The following LGR5 variants were observed in gnomAD, a reference collection of about 807,000 sequenced individuals.
LGR5 encodes leucine rich repeat containing G protein-coupled receptor 5, also known as leucine-rich repeat-containing G protein-coupled receptor 5.
In LGR5, 54 loss-of-function variants were observed where a neutral mutation model predicts 76.7. The observed-to-expected ratio is 0.70, with a 90% confidence interval of 0.57 to 0.88. The LOEUF (loss-of-function observed/expected upper bound fraction) is 0.88. LGR5 is among the 40% of genes least tolerant of loss of function. The pLI, the probability that LGR5 is intolerant of heterozygous loss-of-function variation, is 0.00. For synonymous variants in LGR5, 406 were observed against 421.9 expected (o/e 0.96, Z 0.46); for missense variants, 1,078 against 1,073.3 (o/e 1.00, Z -0.06).
Position 71,439,965 on chromosome 12 carries a change from C to A in LGR5, c.-116C>A. 1.1e-6 allele frequency: 1 copy of A among 914,066 alleles called. No homozygotes were observed. The highest frequency in any genetic ancestry group is 1.6e-6 in the Non-Finnish European group (1 of 618,504). 56.6% of individuals were successfully genotyped at this position (914,066 alleles called of 1,614,324 possible). On this transcript the variant is annotated 5_prime_UTR_variant, in exon 1 of 18. Transcript: ENST00000266674. ...GTCAGGAACGCGGCGTCTGGCGCTGCAGACGCCCGCTGAGTTGCAGAAGCC... is the reference window on the plus strand; with the variant it reads ...GTCAGGAACGCGGCGTCTGGCGCTGAAGACGCCCGCTGAGTTGCAGAAGCC...
intron 2 of LGR5, among the ~76,000 whole-genome samples, chr12:71,509,476 G>A (rs527514723): frequency 2.0e-5 from 3 of 152,134 alleles, no homozygotes; most frequent in African/African-American, 7.2e-5. Flanking sequence ...TTAATAACCC[G>A]AGAAATCATT....
intron 2 of LGR5, among the ~76,000 whole-genome samples, chr12:71,505,808 T>A (rs1874824153): frequency 6.6e-6 from 1 of 152,210 alleles, no homozygotes; most frequent in African/African-American, 2.4e-5. Flanking sequence ...TCAAGGGTTA[T>A]GGTAGGGAAT....
intron 1 of LGR5, among the ~76,000 whole-genome samples, chr12:71,443,256 T>A (rs1871845641): frequency 6.6e-6 from 1 of 152,228 alleles, no homozygotes; most frequent in South Asian, 2.1e-4. Context: ...CTTCACAGAA[T>A]GCAAACACTA....
intron 16 of LGR5, chr12:71,582,196 C>T (rs1269118467): frequency 7.7e-6 from 3 of 389,916 alleles, no homozygotes; most frequent in Non-Finnish European, 1.4e-5. Context: ...CTGCAGGGAA[C>T]ACGAGCAGAA....
intron 8 of LGR5, among the ~76,000 whole-genome samples, chr12:71,564,960 C>A (rs1004390723): frequency 6.7e-6 from 1 of 149,990 alleles, no homozygotes; most frequent in Non-Finnish European, 1.5e-5. Context: ...TGTATATATA[C>A]GTATGTGTGT....
chr12:71,469,662 A>G (rs1483746641), intron 1 of LGR5, among the ~76,000 whole-genome samples: 1 of 152,222 alleles, frequency 6.6e-6, no homozygotes, highest in Non-Finnish European at 1.5e-5. Flanking sequence ...GGATAAACGC[A>G]TGAAGGCTTA....
At chr12:71,447,230 T>A (rs185352732) in intron 1 of LGR5, among the ~76,000 whole-genome samples, 7 of 152,362 alleles carry the variant, frequency 4.6e-5, no homozygotes, top group African/African-American at 1.4e-4. Context: ...AAACTTTGCA[T>A]GCTTTGACAA....
intron 4 of LGR5, among the ~76,000 whole-genome samples, chr12:71,544,381 C>T (rs1592530147): frequency 7.2e-6 from 1 of 139,806 alleles, no homozygotes; most frequent in Non-Finnish European, 1.5e-5. Flanking sequence ...TTCCTACTGG[C>T]CTCATTAAGT....
chr12:71,440,221 GCT>G lies in LGR5; in HGVS notation c.143_144del (p.Leu48GlnfsTer69), dbSNP rs1565844616. ...ATTGCGAGCCCGACGGCAGGATGTT[GCT>G]CAGGGTGGACTGCTCCGACCTGGGG... ...CHCEPDGRML[L>X]RVDCSDLGLS... On this transcript the variant is annotated frameshift_variant, in exon 1 of 18. Transcript: ENST00000266674. LOFTEE classifies it high-confidence loss of function. This position sits in a 1 kb window ranked among gnomAD's most constrained non-coding sequence, Gnocchi z 5.3. The G allele has an allele frequency of 3.1e-6, 5 of 1,613,284 alleles. No homozygotes were observed. Among genetic ancestry groups the G allele is most frequent in the Non-Finnish European group, 3.4e-6 (4 of 1,179,896 alleles).
chr12:71,444,830 G>A (rs988283444), intron 1 of LGR5, among the ~76,000 whole-genome samples: 2 of 151,966 alleles, frequency 1.3e-5, no homozygotes, highest in Non-Finnish European at 2.9e-5. Context: ...TCTATCAAAG[G>A]CATAGAAATT....
Position 71,504,691 on chromosome 12 carries a change from T to C in LGR5, c.284+6T>C. ...CTCCGCTTCCTGGAGGAGTTGTAAG[T>C]ATCACTGTAGTCTTGATGCATCCAG... On this transcript the variant is annotated splice_donor_region_variant and intron_variant, in intron 2 of 17. Transcript: ENST00000266674. 1 of 1,606,682 alleles carries C rather than the reference T, an allele frequency of 6.2e-7. No homozygotes were observed. Among genetic ancestry groups the C allele is most frequent in the Non-Finnish European group, 8.5e-7 (1 of 1,173,292 alleles).
intron 3 of LGR5, among the ~76,000 whole-genome samples, chr12:71,525,255 C>T (rs1485733998): frequency 6.6e-6 from 1 of 152,000 alleles, no homozygotes; most frequent in Non-Finnish European, 1.5e-5. Context: ...AATTACATTT[C>T]AGTGACCTAA....
chr12:71,472,332 A>G (rs1293584259), intron 1 of LGR5, among the ~76,000 whole-genome samples: 2 of 152,234 alleles, frequency 1.3e-5, no homozygotes, highest in Admixed American at 6.5e-5. Context: ...AACTATTATT[A>G]TCCCCATTTT....
rs756466182 is a variant in LGR5 at position 71,582,514 on chromosome 12, T to C, written c.1611T>C (p.His537=). ...LDFEEDLKAL[H]SVQCSPSPGP... The stretch of plus-strand genomic sequence containing the variant: ...TTGAGGAAGACCTGAAAGCCCTTCA[T>C]TCAGTGCAGTGTTCACCTTCCCCAG... The change falls in exon 17 of 18, where the codon CAT becomes CAC. Residue 537 remains histidine (H), a synonymous_variant. Coordinates refer to ENST00000266674, the MANE Select transcript of LGR5 (RefSeq NM_003667.4). 6.2e-7 allele frequency: 1 copy of C among 1,614,018 alleles called. No individual in the cohort carries two copies. Among genetic ancestry groups the C allele is most frequent in the Non-Finnish European group, 8.5e-7 (1 of 1,179,894 alleles).
chr12:71,580,190 G>A, intron 15 of LGR5, 88 bp from the exon 16 acceptor site: 2 of 1,256,946 alleles, frequency 1.6e-6, no homozygotes, highest in Non-Finnish European at 2.2e-6. Flanking sequence ...AAATCCAAAG[G>A]TAGAATAATT....
intron 2 of LGR5, among the ~76,000 whole-genome samples, chr12:71,507,856 G>A (rs946024215): frequency 2.0e-5 from 3 of 151,650 alleles, no homozygotes; most frequent in Non-Finnish European, 2.9e-5. Flanking sequence ...CTCTTTATAC[G>A]TTAAATAGGA....
intron 1 of LGR5, among the ~76,000 whole-genome samples, chr12:71,472,546 C>A (rs1873147650): frequency 6.6e-6 from 1 of 152,212 alleles, no homozygotes; most frequent in South Asian, 2.1e-4. Context: ...TAATAGGTTT[C>A]ACAAAGCTGT....
intron 13 of LGR5, 30 bp from the exon 14 acceptor site, chr12:71,577,895 A>C: frequency 7.2e-7 from 1 of 1,386,338 alleles, no homozygotes; most frequent in Non-Finnish European, 1.0e-6. Context: ...TATTCTATAT[A>C]ATTCTCTCAT....
At chr12:71,527,552 T>C (rs925871859) in intron 3 of LGR5, among the ~76,000 whole-genome samples, 1 of 152,222 alleles carries the variant, frequency 6.6e-6, no homozygotes, top group Non-Finnish European at 1.5e-5. Flanking sequence ...TTAATCTATT[T>C]CATATGATTG....
Sources: gnomAD v4.1 joint callset for allele counts (sites outside exome capture counted in the v4.1 genomes callset) on GRCh38, gnomAD v4.1.1 for gene constraint, Gnocchi (gnomAD v3.1) non-coding constraint, MANE v1.5 for transcripts, NCBI Gene and HGNC (gene_info 2026-07-23, HGNC 2026-07-21) for gene names.